KIF26B: variants seen among roughly 807,000 people sequenced by gnomAD.
KIF26B encodes kinesin-like protein KIF26B.
In KIF26B, 63 loss-of-function variants were observed where a neutral mutation model predicts 151.2. That is an observed-to-expected ratio of 0.42 (90% CI 0.34 to 0.51). The LOEUF is 0.51. Among genes scored for constraint, KIF26B ranks in the 20% least tolerant of loss-of-function variants. KIF26B has a pLI of 0.07. For synonymous variants in KIF26B, 1,357 were observed against 1,262.1 expected (o/e 1.08, Z -1.59); for missense variants, 2,813 against 2,913.6 (o/e 0.97, Z 0.79).
At chr1:245,174,229 T>C (rs1243624289) in intron 2 of KIF26B, among the ~76,000 whole-genome samples, 1 of 152,226 alleles carries the variant, frequency 6.6e-6, no homozygotes, top group African/African-American at 2.4e-5. Flanking sequence ...TGGACCCTTT[T>C]AAAGATCTGC....
intron 2 of KIF26B, among the ~76,000 whole-genome samples, chr1:245,203,160 T>C (rs1669335016): frequency 6.8e-6 from 1 of 146,954 alleles, no homozygotes; most frequent in African/African-American, 2.5e-5. Context: ...GGCAGGAGAA[T>C]AGCTTGAACC....
At chr1:245,354,486 C>G (rs186460972) in intron 2 of KIF26B, among the ~76,000 whole-genome samples, 101 of 152,326 alleles carry the variant, frequency 6.6e-4, no homozygotes, top group Non-Finnish European at 1.3e-3. Context: ...CACACTCTCT[C>G]GTGAACAGCT....
At chr1:245,558,651 A>G (rs1180246288) in intron 5 of KIF26B, among the ~76,000 whole-genome samples, 2 of 152,226 alleles carry the variant, frequency 1.3e-5, no homozygotes, top group Non-Finnish European at 2.9e-5. Context: ...CACAGGGATC[A>G]GAGCTCAGAA....
chr1:245,607,402 C>T (rs75212078), intron 6 of KIF26B, among the ~76,000 whole-genome samples: 11,810 of 152,220 alleles, frequency 0.078, 692 homozygotes, highest in East Asian at 0.2. Context: ...CAGACGCATT[C>T]GCTGAAACGT....
intron 2 of KIF26B, among the ~76,000 whole-genome samples, chr1:245,179,396 C>T (rs532188265): frequency 8.3e-4 from 126 of 152,090 alleles, no homozygotes; most frequent in African/African-American, 2.8e-3. Context: ...GGCTGAGGCG[C>T]GTGGATCACC....
chr1:245,686,182 C>A lies in KIF26B; in HGVS notation c.3199C>A (p.Arg1067=). 3.7e-6 allele frequency: 6 copies of A among 1,612,536 alleles called. No homozygotes were observed. Among genetic ancestry groups the A allele is most frequent in the South Asian group, 1.1e-5 (1 of 91,078 alleles). ...EGKPRPMGSP[R]LGIASLSKTS... is the part of the protein sequence containing the mutation. ...CAAGCCCAGGCCCATGGGCTCCCCC[C>A]GGCTGGGCATCGCCAGCCTGTCCAA... Residue 1067 remains arginine (R), a synonymous_variant, in exon 12 of 15, where the codon CGG becomes AGG. Transcript: ENST00000407071. This position sits in a 1 kb window ranked among gnomAD's most constrained non-coding sequence, Gnocchi z 5.6.
intron 5 of KIF26B, among the ~76,000 whole-genome samples, chr1:245,578,296 T>C (rs1440672864): frequency 2.0e-5 from 3 of 152,236 alleles, no homozygotes; most frequent in Admixed American, 6.5e-5. Context: ...AAAGACTCCA[T>C]GAGCCTCATA....
intron 5 of KIF26B, among the ~76,000 whole-genome samples, chr1:245,558,547 C>CTT (rs1384194731): frequency 6.6e-6 from 1 of 152,230 alleles, no homozygotes; most frequent in African/African-American, 2.4e-5. Flanking sequence ...ATGCTGGGCT[C>CTT]TAAGTGGGCA....
At chr1:245,157,231 G>C (rs1668453681) in intron 2 of KIF26B, among the ~76,000 whole-genome samples, 1 of 152,194 alleles carries the variant, frequency 6.6e-6, no homozygotes. Context: ...TGGCTCTTCG[G>C]AGCAGTGCTC....
chr1:245,567,445 C>G (rs1337213580), intron 5 of KIF26B, among the ~76,000 whole-genome samples: 1 of 152,190 alleles, frequency 6.6e-6, no homozygotes, highest in Non-Finnish European at 1.5e-5. Context: ...CTCCTGTCCC[C>G]TTCCGAGCAC....
rs1385304241 is a variant in KIF26B at position 245,540,972 on chromosome 1, G to A, written c.1350+22G>A. On this transcript the variant is annotated intron_variant, in intron 5 of 14. Coordinates refer to ENST00000407071, the MANE Select transcript of KIF26B (RefSeq NM_018012.4). The surrounding 1 kb of genome is among the most constrained non-coding windows in gnomAD (Gnocchi z 4.6). Reference sequence around the variant, plus strand: ...CAAGGTAGGACCATCCGCCGTCCCTGCCATTTGCCCAGTGTGCGAGGTTCT... The same window carrying A: ...CAAGGTAGGACCATCCGCCGTCCCTACCATTTGCCCAGTGTGCGAGGTTCT... 1 of 1,591,550 alleles carries A rather than the reference G, an allele frequency of 6.3e-7. No individual in the cohort carries two copies. Among genetic ancestry groups the A allele is most frequent in the South Asian group, 1.1e-5 (1 of 88,748 alleles).
At chr1:245,520,114 T>TGAGAGAGAGAGAGAGAGAGA (rs10650644) in intron 4 of KIF26B, among the ~76,000 whole-genome samples, 121 of 132,488 alleles carry the variant, frequency 9.1e-4, no homozygotes, top group East Asian at 3.8e-3. Flanking sequence ...CTCAACTAAC[T>TGAGAGAGAGAGAGAGAGAGA]GAGAGAGAGA....
chr1:245,668,190 C>A (rs2044239054), intron 10 of KIF26B, among the ~76,000 whole-genome samples: 1 of 152,196 alleles, frequency 6.6e-6, no homozygotes, highest in African/African-American at 2.4e-5. Context: ...GCCACCAAGC[C>A]CGGCCCCCTA....
In KIF26B at chr1:245,640,124, T is replaced by TCG. The variant is rs993911439; in HGVS notation, c.2099-5996_2099-5995insGC. Among the ~76,000 whole-genome samples the TCG allele has an allele frequency of 1.6e-3, 89 of 55,878 alleles. 3 individuals are homozygous for TCG. The highest frequency in any genetic ancestry group is 6.4e-3 in the African/African-American group (79 of 12,332). 36.7% of individuals were successfully genotyped at this position (55,878 alleles called of 152,430 possible). A position where few individuals can be genotyped will look rare whatever the true frequency, so the allele number is the denominator to read the frequency against. ...CCTGTTTAGATCTACTAATATTTGC[T>TCG]CTCTCTCTCTCTCTCTCTCTATATA... On this transcript the variant is annotated intron_variant, in intron 9 of 14. Coordinates refer to ENST00000407071, the MANE Select transcript of KIF26B (RefSeq NM_018012.4).
intron 5 of KIF26B, among the ~76,000 whole-genome samples, chr1:245,547,041 G>A (rs763273328): frequency 1.3e-5 from 2 of 152,232 alleles, no homozygotes; most frequent in African/African-American, 2.4e-5. Flanking sequence ...GCCAGCCTCT[G>A]GACAGCACAT....
At chr1:245,351,482 G>A (rs1572017668) in intron 2 of KIF26B, among the ~76,000 whole-genome samples, 1 of 152,256 alleles carries the variant, frequency 6.6e-6, no homozygotes, top group East Asian at 1.9e-4. Flanking sequence ...ACTCAGCTAT[G>A]CCTTTTCACG....
intron 3 of KIF26B, among the ~76,000 whole-genome samples, chr1:245,404,224 T>TTA (rs397737521): frequency 3.3e-5 from 5 of 150,148 alleles, no homozygotes; most frequent in African/African-American, 1.2e-4. Context: ...TTTTTTTTTT[T>TTA]ATAAAGCGTA....
Position 245,170,027 on chromosome 1 carries a change from A to C in KIF26B, c.465+13344A>C, listed in dbSNP as rs539668485. ...TTTGTTTGGTGCCTGTGTACCAAGT[A>C]GATTTCTGGTGTTTTGAAAAAAAAA... On this transcript the variant is annotated intron_variant, in intron 2 of 14. Transcript: ENST00000407071. This position sits in a 1 kb window ranked among gnomAD's most constrained non-coding sequence, Gnocchi z 4.4. 2.6e-5 allele frequency among the ~76,000 whole-genome samples: 4 copies of C among 152,192 alleles called. No homozygotes were observed. The highest frequency in any genetic ancestry group is 9.6e-5 in the African/African-American group (4 of 41,532).
chr1:245,532,363 A>G (rs1208391175), intron 4 of KIF26B, among the ~76,000 whole-genome samples: 1 of 148,872 alleles, frequency 6.7e-6, no homozygotes, highest in African/African-American at 2.5e-5. Context: ...CTCCTGCCTC[A>G]GCCTCCCGAG....
Sources: allele counts gnomAD v4.1 joint callset (sites outside exome capture counted in the v4.1 genomes callset), GRCh38; gene constraint gnomAD v4.1.1; non-coding constraint Gnocchi (gnomAD v3.1); transcripts MANE v1.5; gene names NCBI Gene and HGNC (gene_info 2026-07-23, HGNC 2026-07-21).